The following MAP3K14 variants were observed in gnomAD, a reference collection of about 807,000 sequenced individuals.
MAP3K14 encodes mitogen-activated protein kinase kinase kinase 14, also known as NF-kappa-beta-inducing kinase.
In MAP3K14, 16 loss-of-function variants were observed where a neutral mutation model predicts 99.2. That is an observed-to-expected ratio of 0.16 (90% CI 0.11 to 0.24). The LOEUF is 0.24. Among genes scored for constraint, MAP3K14 ranks in the 10% least tolerant of loss-of-function variants. MAP3K14 has a pLI of 1.00. For missense variants in MAP3K14, 784 were observed against 1,208.7 expected, an observed-to-expected ratio of 0.65 and a Z score of 5.21; for synonymous variants, 462 against 492.4, an observed-to-expected ratio of 0.94 and a Z score of 0.82.
chr17:45,289,395 C>T lies in MAP3K14; in HGVS notation c.257-90G>A, dbSNP rs185706561. On this transcript the variant is annotated intron_variant, in intron 2 of 15. Transcript: ENST00000344686. Reference sequence around the variant, plus strand: ...GACATTTTACAGAGATCCCCTCTGGCGCCTCTCCTTCCCCTCCTTTCCAGA... The same window carrying T: ...GACATTTTACAGAGATCCCCTCTGGTGCCTCTCCTTCCCCTCCTTTCCAGA... The T allele has an allele frequency of 5.2e-5, 53 of 1,022,080 alleles. 1 individual carries two copies. The highest frequency in any genetic ancestry group is 1.4e-4 in the African/African-American group (9 of 63,252). The allele number at this position is 1,022,080 out of a possible 1,614,324, so 63.3% of individuals were successfully genotyped here.
chr17:45,270,769 G>T, intron 10 of MAP3K14: 1 of 822,704 alleles, frequency 1.2e-6, no homozygotes. Flanking sequence ...GAGCCAGGCA[G>T]CAAGACGCCC....
At position 45,284,806 on chromosome 17, in the gene MAP3K14, G is replaced by A; in HGVS notation, c.1290+6C>T. ...CTCTTCACTCAGCCCCTGAGCCCTGGCGTACCTTTTTGACAGCGCACTGGA... is the reference window on the plus strand; with the variant it reads ...CTCTTCACTCAGCCCCTGAGCCCTGACGTACCTTTTTGACAGCGCACTGGA... On this transcript the variant is annotated splice_donor_region_variant and intron_variant, in intron 6 of 15. Transcript: ENST00000344686. 6.3e-7 allele frequency: 1 copy of A among 1,590,648 alleles called. No individual in the cohort carries two copies. Among genetic ancestry groups the A allele is most frequent in the Non-Finnish European group, 8.6e-7 (1 of 1,169,022 alleles).
chr17:45,294,294 A>C (rs1362746696), intron 1 of MAP3K14, among the ~76,000 whole-genome samples: 1 of 152,214 alleles, frequency 6.6e-6, no homozygotes, highest in Non-Finnish European at 1.5e-5. Context: ...TTGAGGCCTG[A>C]TGCACAGACA....
chr17:45,269,842 T>C (rs2044128219), intron 11 of MAP3K14, among the ~76,000 whole-genome samples: 2 of 152,170 alleles, frequency 1.3e-5, no homozygotes, highest in African/African-American at 2.4e-5. Flanking sequence ...TGTAAGGAAG[T>C]GTTTCTCTGA....
At chr17:45,296,689 T>C (rs4792812) in intron 1 of MAP3K14, among the ~76,000 whole-genome samples, 3,589 of 152,156 alleles carry the variant, frequency 0.024, 127 homozygotes, top group East Asian at 0.15. Context: ...CCTACAGCCC[T>C]TCCCCCAGTT....
chr17:45,303,825 A>T (rs2044409238), intron 1 of MAP3K14, among the ~76,000 whole-genome samples: 1 of 150,602 alleles, frequency 6.6e-6, no homozygotes, highest in African/African-American at 2.4e-5. Context: ...CTCGTGATCC[A>T]GCCGCCTCGG....
intron 6 of MAP3K14, among the ~76,000 whole-genome samples, chr17:45,275,058 G>T (rs1379704133): frequency 1.3e-5 from 2 of 151,828 alleles, no homozygotes; most frequent in Non-Finnish European, 2.9e-5. Flanking sequence ...AGAATGGCGT[G>T]AACCCAGGAG....
intron 1 of MAP3K14, among the ~76,000 whole-genome samples, chr17:45,300,855 A>AC (rs11458944): frequency 1.3e-5 from 2 of 151,890 alleles, no homozygotes; most frequent in South Asian, 2.1e-4. Context: ...ATTAAAAAAA[A>AC]CAGAAAAAAG....
Position 45,274,193 on chromosome 17 carries a change from G to A in MAP3K14, c.1482C>T (p.Tyr494=). ...GACCCTCCAGGGCCTGGCCCAGGTAGTACAGGGCCCGGTCCTCTGGGAGAC... is the reference window on the plus strand; with the variant it reads ...GACCCTCCAGGGCCTGGCCCAGGTAATACAGGGCCCGGTCCTCTGGGAGAC... The part of the protein sequence containing the change: ...QGCLPEDRAL[Y]YLGQALEGLE... The change falls in exon 8 of 16, where the codon TAC becomes TAT. Residue 494 remains tyrosine (Y), a synonymous_variant. Coordinates refer to ENST00000344686, the MANE Select transcript of MAP3K14 (RefSeq NM_003954.5). 6.2e-7 allele frequency: 1 copy of A among 1,600,398 alleles called. No individual in the cohort carries two copies. The highest frequency in any genetic ancestry group is 8.5e-7 in the Non-Finnish European group (1 of 1,173,398).
Position 45,264,611 on chromosome 17 carries a change from G to C in MAP3K14, c.*25C>G. 6 of 1,551,416 alleles carry C rather than the reference G, an allele frequency of 3.9e-6. No individual in the cohort carries two copies. Among genetic ancestry groups the C allele is most frequent in the Non-Finnish European group, 5.2e-6 (6 of 1,148,380 alleles). ...GAGCAGGAAGGCTGCTTCCGGCAGT[G>C]TGGAGCCGGCGGTGGAGGGCAGGGT... On this transcript the variant is annotated 3_prime_UTR_variant, in exon 16 of 16. Transcript: ENST00000344686.
intron 4 of MAP3K14, 34 bp downstream of exon 4, chr17:45,287,120 A>G (rs771098503): frequency 2.5e-6 from 4 of 1,605,288 alleles, no homozygotes; most frequent in Non-Finnish European, 3.4e-6. Context: ...GGCCCCATGA[A>G]CCTGGGGTCT....
At chr17:45,306,306 C>T in intron 1 of MAP3K14, among the ~76,000 whole-genome samples, 1 of 149,614 alleles carries the variant, frequency 6.7e-6, no homozygotes, top group Non-Finnish European at 1.5e-5. Flanking sequence ...CCATGACACT[C>T]TTCCTACTCC....
intron 11 of MAP3K14, chr17:45,268,409 A>G (rs534106732): frequency 4.0e-5 from 6 of 151,714 alleles, no homozygotes; most frequent in Non-Finnish European, 8.8e-5. Flanking sequence ...TTTATTTATC[A>G]ATTTATTTTT....
chr17:45,292,847 AT>A (rs569628480), intron 1 of MAP3K14, among the ~76,000 whole-genome samples: 52 of 152,310 alleles, frequency 3.4e-4, no homozygotes, highest in African/African-American at 1.0e-3. Context: ...CCTCATTTCT[AT>A]TTGAAGAAGC....
chr17:45,288,379 GTTTT>G (rs11410554), intron 3 of MAP3K14, among the ~76,000 whole-genome samples: 1 of 135,820 alleles, frequency 7.4e-6, no homozygotes, highest in Non-Finnish European at 1.6e-5. Context: ...TTGAACTCTT[GTTTT>G]TTTTTTTTTT....
chr17:45,286,377 C>T lies in MAP3K14; in HGVS notation c.1152+54G>A. On this transcript the variant is annotated intron_variant, in intron 5 of 15. Transcript: ENST00000344686. The surrounding 1 kb of genome is among the most constrained non-coding windows in gnomAD (Gnocchi z 4.1). ...AGTGACTCTGATAAAGAGAGAAAAGCATCCCCCAGGTTGCTGGTAGAGGGA... is the reference window on the plus strand; with the variant it reads ...AGTGACTCTGATAAAGAGAGAAAAGTATCCCCCAGGTTGCTGGTAGAGGGA... 6.7e-7 allele frequency: 1 copy of T among 1,496,564 alleles called. No individual in the cohort carries two copies. Among genetic ancestry groups the T allele is most frequent in the Non-Finnish European group, 8.9e-7 (1 of 1,120,132 alleles). 92.7% of individuals were successfully genotyped at this position (1,496,564 alleles called of 1,614,324 possible).
chr17:45,264,578 CG>C lies in MAP3K14; in HGVS notation c.*57del. 1 of 1,503,178 alleles carries C rather than the reference CG, an allele frequency of 6.7e-7. No homozygotes were observed. Among genetic ancestry groups the C allele is most frequent in the South Asian group, 1.3e-5 (1 of 77,504 alleles). The allele number at this position is 1,503,178 out of a possible 1,614,324, so 93.1% of individuals were successfully genotyped here. A position where few individuals can be genotyped will look rare whatever the true frequency, so the allele number is the denominator to read the frequency against. On this transcript the variant is annotated 3_prime_UTR_variant, in exon 16 of 16. Transcript: ENST00000344686. Reference sequence around the variant, plus strand: ...CTGAGCCTGTGTTTCAGGGCAGCATCGTGCACCGAGCAGGAAGGCTGCTTCC... The same window carrying C: ...CTGAGCCTGTGTTTCAGGGCAGCATCTGCACCGAGCAGGAAGGCTGCTTCC...
chr17:45,300,501 T>A (rs901233697), intron 1 of MAP3K14, among the ~76,000 whole-genome samples: 1 of 152,228 alleles, frequency 6.6e-6, no homozygotes, highest in African/African-American at 2.4e-5. Context: ...CTGATCTCTC[T>A]ACAACCCCTT....
chr17:45,274,953 C>T (rs549720249), intron 6 of MAP3K14, among the ~76,000 whole-genome samples: 10 of 150,252 alleles, frequency 6.7e-5, no homozygotes, highest in African/African-American at 2.5e-4. Flanking sequence ...CTGGCTAACA[C>T]AGTGAAACCC....
Sources: gnomAD v4.1 joint callset for allele counts (sites outside exome capture counted in the v4.1 genomes callset) on GRCh38, gnomAD v4.1.1 for gene constraint, Gnocchi (gnomAD v3.1) non-coding constraint, MANE v1.5 for transcripts, NCBI Gene and HGNC (gene_info 2026-07-23, HGNC 2026-07-21) for gene names.